ESR2: variants seen among roughly 807,000 people sequenced by gnomAD.
ESR2 encodes the protein estrogen receptor 2.
Under a neutral mutation model 49.6 loss-of-function variants are expected in ESR2, and 36 were observed. That is an observed-to-expected ratio of 0.73 (90% confidence interval 0.56 to 0.96). The LOEUF (loss-of-function observed/expected upper bound fraction) is 0.96, where lower values mean the gene tolerates loss of function less well. ESR2 is among the 40% of genes least tolerant of loss of function. The pLI is 0.00. For missense variants in ESR2, 714 were observed against 693.0 expected (o/e 1.03, Z -0.34); for synonymous variants, 320 against 266.1 (o/e 1.20, Z -1.97).
rs1453671823 is a variant in ESR2, at chr14:64,228,352, A to G, written c.*4785T>C. ...CAAAATAATGAAACACTTTATTTAT[A>G]TCATGTTAAACTCTCTACGACAGTG... On this transcript the variant is annotated 3_prime_UTR_variant, in exon 9 of 9. Coordinates refer to ENST00000341099, the MANE Select transcript of ESR2 (RefSeq NM_001437.3). Among the ~76,000 whole-genome samples the G allele has an allele frequency of 1.3e-5, 2 of 152,240 alleles. No homozygotes were observed. Among genetic ancestry groups the G allele is most frequent in the African/African-American group, 4.8e-5 (2 of 41,460 alleles).
rs1018969594 is a variant in ESR2 at position 64,249,468 on chromosome 14, ATTC to A, written c.1225+75_1225+77del. On this transcript the variant is annotated intron_variant, in intron 7 of 8. Coordinates refer to ENST00000341099, the MANE Select transcript of ESR2 (RefSeq NM_001437.3). ...CTTTCAAATAAAATAGAAGTTCAACATTCTTCTTAATATCACGCTAGTTGTAGA... is the reference window on the plus strand; with the variant it reads ...CTTTCAAATAAAATAGAAGTTCAACATTCTTAATATCACGCTAGTTGTAGA... 6.8e-6 allele frequency: 10 copies of A among 1,478,404 alleles called. No homozygotes were observed. The East Asian group carries it at 6.9e-5, about 10-fold the overall frequency. The allele number at this position is 1,478,404 out of a possible 1,614,324, so 91.6% of individuals were successfully genotyped here.
chr14:64,234,629 G>A (rs1248885580), intron 8 of ESR2: 3 of 379,934 alleles, frequency 7.9e-6, no homozygotes, highest in African/African-American at 4.1e-5. Flanking sequence ...AGTGGCCTCA[G>A]GGCCTCAGCC....
At chr14:64,250,654 T>C (rs944483574) in intron 6 of ESR2, among the ~76,000 whole-genome samples, 3 of 152,234 alleles carry the variant, frequency 2.0e-5, no homozygotes, top group Non-Finnish European at 2.9e-5. Context: ...GTTCCATTTT[T>C]AGTCTCTAGC....
chr14:64,285,256 A>G (rs567254132), intron 1 of ESR2, among the ~76,000 whole-genome samples: 2 of 152,166 alleles, frequency 1.3e-5, no homozygotes, highest in African/African-American at 4.8e-5. Flanking sequence ...CATGTTCTTA[A>G]AACCCAGCTC....
At chr14:64,244,515 A>G (rs763514083) in intron 7 of ESR2, among the ~76,000 whole-genome samples, 33 of 152,128 alleles carry the variant, frequency 2.2e-4, no homozygotes, top group Admixed American at 9.8e-4. Context: ...TGGCAGAGGA[A>G]GAGAATTCTC....
chr14:64,269,421 G>C lies in ESR2; in HGVS notation c.536-510C>G, dbSNP rs147275697. Among the ~76,000 whole-genome samples the C allele has an allele frequency of 4.2e-4, 64 of 152,330 alleles. 1 individual carries two copies. The South Asian group carries it at 9.1e-3, about 22-fold the overall frequency. On this transcript the variant is annotated intron_variant, in intron 3 of 8. Transcript: ENST00000341099. ...AGTACTGCTATTGACAAGAGTTGTG[G>C]TGGATTACCGTTCTCAATTCTTCAT...
chr14:64,267,325 A>G (rs575511760), intron 4 of ESR2, among the ~76,000 whole-genome samples: 2 of 152,158 alleles, frequency 1.3e-5, no homozygotes, highest in South Asian at 4.1e-4. Context: ...TGACAAGGAT[A>G]ATGTGAAGCG....
At chr14:64,268,759 G>T in intron 4 of ESR2, 36 bp downstream of exon 4, 1 of 1,218,012 alleles carries the variant, frequency 8.2e-7, no homozygotes, top group Non-Finnish European at 1.2e-6. Context: ...CTTTTAGCAA[G>T]GCCCATATTC....
intron 2 of ESR2, among the ~76,000 whole-genome samples, chr14:64,281,146 A>G (rs1397370955): frequency 6.6e-6 from 1 of 152,142 alleles, no homozygotes; most frequent in Admixed American, 6.5e-5. Flanking sequence ...GAAGAGAGAG[A>G]ACAAGCAAGT....
chr14:64,252,460 A>C (rs942786614), intron 6 of ESR2, among the ~76,000 whole-genome samples: 1 of 152,234 alleles, frequency 6.6e-6, no homozygotes, highest in South Asian at 2.1e-4. Flanking sequence ...AATAACATGG[A>C]ATATCTTTGT....
chr14:64,243,873 C>A (rs1327979530), intron 7 of ESR2, among the ~76,000 whole-genome samples: 1 of 152,164 alleles, frequency 6.6e-6, no homozygotes, highest in African/African-American at 2.4e-5. Context: ...GAAGAGGACT[C>A]TCCATAGATC....
At chr14:64,247,351 A>ACAAACAAG (rs56234935) in intron 7 of ESR2, among the ~76,000 whole-genome samples, 1 of 150,232 alleles carries the variant, frequency 6.7e-6, no homozygotes, top group Non-Finnish European at 1.5e-5. Flanking sequence ...AAACAAACAA[A>ACAAACAAG]AAAACTAGTG....
intron 1 of ESR2, among the ~76,000 whole-genome samples, chr14:64,284,901 G>A (rs1253699966): frequency 5.3e-5 from 8 of 150,630 alleles, no homozygotes; most frequent in Admixed American, 2.0e-4. Flanking sequence ...CCAGGCTGGA[G>A]TGCAGTGGCG....
chr14:64,308,532 T>C (rs1247164932), intron 1 of ESR2, among the ~76,000 whole-genome samples: 2 of 152,166 alleles, frequency 1.3e-5, no homozygotes, highest in African/African-American at 2.4e-5. Context: ...TTAATTATAT[T>C]GTGGCCAGAA....
chr14:64,301,388 T>G (rs968570194), intron 1 of ESR2: 2 of 152,222 alleles, frequency 1.3e-5, no homozygotes, highest in African/African-American at 2.4e-5. Flanking sequence ...TAGAGGGCGC[T>G]GATCTCCTCT....
At position 64,233,367 on chromosome 14, in the gene ESR2, C is replaced by G. The variant is rs767861606; in HGVS notation, c.1407-44G>C. 13 of 1,574,236 alleles carry G rather than the reference C, an allele frequency of 8.3e-6. No individual in the cohort carries two copies. The East Asian group carries it at 2.7e-4, about 33-fold the overall frequency. On this transcript the variant is annotated intron_variant, in intron 8 of 8. Coordinates refer to ENST00000341099, the MANE Select transcript of ESR2 (RefSeq NM_001437.3). ...GCTGAGATTCCCTCCTCCGAGGCAGCCACAGGAACCCCGAAGCCTTCCCCG... is the reference window on the plus strand; with the variant it reads ...GCTGAGATTCCCTCCTCCGAGGCAGGCACAGGAACCCCGAAGCCTTCCCCG...
chr14:64,244,050 G>A (rs2075797724), intron 7 of ESR2, among the ~76,000 whole-genome samples: 1 of 152,146 alleles, frequency 6.6e-6, no homozygotes, highest in Non-Finnish European at 1.5e-5. Flanking sequence ...AGCAGATAAA[G>A]CATTATTTCT....
At chr14:64,242,412 A>C (rs1054098225) in intron 7 of ESR2, among the ~76,000 whole-genome samples, 1 of 126,552 alleles carries the variant, frequency 7.9e-6, no homozygotes, top group African/African-American at 3.8e-5. Context: ...TCTCAAAAAA[A>C]AAAAACAAAA....
intron 1 of ESR2, among the ~76,000 whole-genome samples, chr14:64,321,975 C>T (rs558766153): frequency 3.9e-5 from 6 of 152,050 alleles, no homozygotes; most frequent in East Asian, 3.8e-4. Context: ...TACCTGGTGA[C>T]GTAACCCAAA....
Sources: allele counts gnomAD v4.1 joint callset (sites outside exome capture counted in the v4.1 genomes callset), GRCh38; gene constraint gnomAD v4.1.1; transcripts MANE v1.5; gene names NCBI Gene and HGNC (gene_info 2026-07-23, HGNC 2026-07-21).